WBP11: variants seen among roughly 807,000 people sequenced by gnomAD.
WBP11 encodes WW domain binding protein 11.
WBP11 carries 12 observed loss-of-function variants against 66.7 expected under a neutral mutation model. The observed-to-expected ratio is 0.18, with a 90% confidence interval of 0.12 to 0.29. The LOEUF (loss-of-function observed/expected upper bound fraction) is 0.29, where lower values mean the gene tolerates loss of function less well. Ranked by LOEUF, WBP11 falls within the 10% of genes least tolerant of loss-of-function variation. WBP11 has a pLI of 1.00. For missense variants in WBP11, 555 were observed against 818.3 expected (o/e 0.68, Z 3.93); for synonymous variants, 255 against 273.8 (o/e 0.93, Z 0.68).
At chr12:14,800,940 T>A in intron 2 of WBP11, 157 bp from the exon 3 acceptor site, 2 of 570,194 alleles carry the variant, frequency 3.5e-6, no homozygotes, top group Non-Finnish European at 6.0e-6. Flanking sequence ...GCCAAGAGCA[T>A]CCCTCTAATT....
At chr12:14,794,275 A>C (rs1366880869) in intron 7 of WBP11, among the ~76,000 whole-genome samples, 4 of 152,236 alleles carry the variant, frequency 2.6e-5, no homozygotes, top group African/African-American at 9.6e-5. Context: ...AAAGGGAACC[A>C]GATATACAAG....
Position 14,786,415 on chromosome 12 carries a change from T to C in WBP11, c.*650A>G, listed in dbSNP as rs1413129494. On this transcript the variant is annotated 3_prime_UTR_variant, in exon 12 of 12. Transcript: ENST00000261167. ...TCCTTAAAGACCCAAGTTTTAAATA[T>C]TTAACTTTTTCTGTCCATAAAATAG... The C allele has an allele frequency of 2.0e-5, 3 of 152,228 alleles. No homozygotes were observed. The highest frequency in any genetic ancestry group is 4.4e-5 in the Non-Finnish European group (3 of 68,040). The allele number at this position is 152,228 out of a possible 1,614,324, so 9.4% of individuals were successfully genotyped here. A position where few individuals can be genotyped will look rare whatever the true frequency, so the allele number is the denominator to read the frequency against.
intron 11 of WBP11, 89 bp downstream of exon 11, chr12:14,788,862 T>C (rs1949787170): frequency 1.4e-6 from 1 of 737,014 alleles, no homozygotes; most frequent in African/African-American, 1.9e-5. Context: ...TGACCTCAGA[T>C]TTCAGAATAC....
At chr12:14,800,233 T>C (rs1355030062) in intron 3 of WBP11, among the ~76,000 whole-genome samples, 1 of 152,104 alleles carries the variant, frequency 6.6e-6, no homozygotes, top group Non-Finnish European at 1.5e-5. Flanking sequence ...AGCACAATAC[T>C]ATAAGGCAAA....
At position 14,796,785 on chromosome 12, in the gene WBP11, TC is replaced by T; in HGVS notation, c.387+21del. ...TCTGTATAATATTTTAGTTTATCTC[TC>T]AAAAAAAAAACCTTGATTACCTTGA... On this transcript the variant is annotated intron_variant, in intron 5 of 11. Transcript: ENST00000261167. This position sits in a 1 kb window ranked among gnomAD's most constrained non-coding sequence, Gnocchi z 4.5. 6.7e-7 allele frequency: 1 copy of T among 1,489,336 alleles called. No individual in the cohort carries two copies. Among genetic ancestry groups the T allele is most frequent in the Non-Finnish European group, 9.1e-7 (1 of 1,099,620 alleles). The allele number at this position is 1,489,336 out of a possible 1,614,324, so 92.3% of individuals were successfully genotyped here.
At chr12:14,795,216 A>AT (rs1949877846) in intron 5 of WBP11, 112 bp from the exon 6 acceptor site, 1 of 1,177,190 alleles carries the variant, frequency 8.5e-7, no homozygotes, top group African/African-American at 1.6e-5. Context: ...ACTAACATAA[A>AT]TATCACCAAA....
chr12:14,798,459 C>G (rs542705178), intron 4 of WBP11, among the ~76,000 whole-genome samples: 4 of 152,178 alleles, frequency 2.6e-5, no homozygotes, highest in Non-Finnish European at 4.4e-5. Context: ...TTTAAAACAA[C>G]ACATAACATT....
intron 10 of WBP11, among the ~76,000 whole-genome samples, chr12:14,789,594 A>AT (rs1421672873): frequency 2.0e-5 from 3 of 152,238 alleles, no homozygotes; most frequent in Non-Finnish European, 2.9e-5. Context: ...TAAAAAAAAA[A>AT]ATATATCTGA....
rs932641169 is a variant in WBP11 at position 14,796,366 on chromosome 12, A to G, written c.387+441T>C. Among the ~76,000 whole-genome samples, 29 of 152,210 alleles carry G rather than the reference A, an allele frequency of 1.9e-4. No individual in the cohort carries two copies. Among genetic ancestry groups the G allele is most frequent in the African/African-American group, 6.5e-4 (27 of 41,464 alleles). Reference sequence around the variant, plus strand: ...AGATTTGCAGGTTCACACAGTAGGTATATGTTTAGTTTTAGAAGAAACTGC... The same window carrying G: ...AGATTTGCAGGTTCACACAGTAGGTGTATGTTTAGTTTTAGAAGAAACTGC... On this transcript the variant is annotated intron_variant, in intron 5 of 11. Transcript: ENST00000261167. This position sits in a 1 kb window ranked among gnomAD's most constrained non-coding sequence, Gnocchi z 4.5.
At chr12:14,794,921 C>A in intron 6 of WBP11, 50 bp downstream of exon 6, 1 of 1,611,944 alleles carries the variant, frequency 6.2e-7, no homozygotes, top group South Asian at 1.1e-5. Context: ...ACTGGACAGT[C>A]AACTTGTGCC....
At chr12:14,801,609 T>G (rs1949963907) in intron 1 of WBP11, among the ~76,000 whole-genome samples, 181 bp from the exon 2 acceptor site, 1 of 152,204 alleles carries the variant, frequency 6.6e-6, no homozygotes, top group Admixed American at 6.5e-5. Flanking sequence ...CCATGAAAAT[T>G]TAGATCTCTA....
At position 14,789,114 on chromosome 12, in the gene WBP11, T is replaced by C. The variant is rs1592215492; in HGVS notation, c.1329A>G (p.Arg443=). The change falls in exon 11 of 12, where the codon AGA becomes AGG. Residue 443 remains arginine, a synonymous_variant. Transcript: ENST00000261167. ...GPPPGAPPFL[R]PPGMPGLRGP... Reference sequence around the variant, plus strand: ...CTCGGAGTCCTGGCATTCCAGGTGGTCTCAGGAATGGAGGAGCTCCTGAAA... The same window carrying C: ...CTCGGAGTCCTGGCATTCCAGGTGGCCTCAGGAATGGAGGAGCTCCTGAAA... 9.1e-6 allele frequency: 14 copies of C among 1,531,326 alleles called. No homozygotes were observed. In the East Asian group the frequency reaches 3.4e-4, roughly 38 times the overall value. 94.9% of individuals were successfully genotyped at this position (1,531,326 alleles called of 1,614,324 possible). A position where few individuals can be genotyped will look rare whatever the true frequency, so the allele number is the denominator to read the frequency against.
intron 8 of WBP11, among the ~76,000 whole-genome samples, chr12:14,792,553 G>A (rs1314110964): frequency 2.3e-5 from 3 of 131,338 alleles, no homozygotes; most frequent in African/African-American, 7.8e-5. Context: ...GAAAAATCTG[G>A]CTGGGTTGGT....
chr12:14,787,707 C>T (rs1391655641), intron 11 of WBP11, among the ~76,000 whole-genome samples: 2 of 152,154 alleles, frequency 1.3e-5, no homozygotes, highest in Non-Finnish European at 2.9e-5. Context: ...CCTGTACTTA[C>T]AGTATTATGT....
chr12:14,795,969 C>T (rs917427947), intron 5 of WBP11, among the ~76,000 whole-genome samples: 10 of 151,968 alleles, frequency 6.6e-5, no homozygotes, highest in Non-Finnish European at 1.5e-4. Context: ...GTAAAATTTA[C>T]GAAATTTACA....
chr12:14,787,214 T>A lies in WBP11; in HGVS notation c.1777A>T (p.Thr593Ser). 1 of 1,614,168 alleles carries A rather than the reference T, an allele frequency of 6.2e-7. No homozygotes were observed. The highest frequency in any genetic ancestry group is 8.5e-7 in the Non-Finnish European group (1 of 1,180,044). ...LRVRRENKGA[T>S]AAPQRKSEDD... ...TCTGACTTTCTTTGGGGAGCAGCAGTAGCCCCTTTATTCTCCCGACGTACT... is the reference window on the plus strand; with the variant it reads ...TCTGACTTTCTTTGGGGAGCAGCAGAAGCCCCTTTATTCTCCCGACGTACT... Residue 593 changes from threonine to serine, a missense_variant, in exon 12 of 12, where the codon ACT (threonine) becomes TCT (serine). Transcript: ENST00000261167.
intron 4 of WBP11, among the ~76,000 whole-genome samples, chr12:14,798,072 T>C (rs944299196): frequency 2.6e-5 from 4 of 152,210 alleles, no homozygotes; most frequent in African/African-American, 4.8e-5. Context: ...CCCTGATGAA[T>C]AGTATTCTCT....
At position 14,796,737 on chromosome 12, in the gene WBP11, C is replaced by G; in HGVS notation, c.387+70G>C. On this transcript the variant is annotated intron_variant, in intron 5 of 11. Coordinates refer to ENST00000261167, the MANE Select transcript of WBP11 (RefSeq NM_016312.3). The surrounding 1 kb of genome is among the most constrained non-coding windows in gnomAD (Gnocchi z 4.5). ...AATCCAAAACACTTCTGGTCCCAAG[C>G]ACTTTGCATAAGGGATACTCAATCT... 7.2e-7 allele frequency: 1 copy of G among 1,398,206 alleles called. No homozygotes were observed. The highest frequency in any genetic ancestry group is 9.6e-7 in the Non-Finnish European group (1 of 1,040,646). The allele number at this position is 1,398,206 out of a possible 1,614,324, so 86.6% of individuals were successfully genotyped here. A position where few individuals can be genotyped will look rare whatever the true frequency, so the allele number is the denominator to read the frequency against.
At chr12:14,789,184 ATAAT>A in intron 10 of WBP11, 51 bp from the exon 11 acceptor site, 3 of 1,460,270 alleles carry the variant, frequency 2.1e-6, no homozygotes, top group Non-Finnish European at 2.7e-6. Flanking sequence ...ACACTAAGTA[ATAAT>A]TATGGCTTAA....
Sources: gnomAD v4.1 joint callset for allele counts (sites outside exome capture counted in the v4.1 genomes callset) on GRCh38, gnomAD v4.1.1 for gene constraint, Gnocchi (gnomAD v3.1) non-coding constraint, MANE v1.5 for transcripts, NCBI Gene and HGNC (gene_info 2026-07-23, HGNC 2026-07-21) for gene names.